Variants in WIPI2 observed in about 807,000 individuals in gnomAD.
The protein encoded by WIPI2 is WD repeat domain, phosphoinositide interacting 2.
In WIPI2, 28 loss-of-function variants were observed where a neutral mutation model predicts 52.3. The observed-to-expected ratio is 0.54, with a 90% CI of 0.40 to 0.73. WIPI2 has a LOEUF of 0.73. Among genes scored for constraint, WIPI2 ranks in the 30% least tolerant of loss-of-function variants. The pLI is 0.00. For missense variants in WIPI2, 506 were observed against 602.9 expected, an observed-to-expected ratio of 0.84 and a Z score of 1.68; for synonymous variants, 268 against 245.0, an observed-to-expected ratio of 1.09 and a Z score of -0.88.
intron 2 of WIPI2, among the ~76,000 whole-genome samples, chr7:5,196,982 G>A (rs1284894628): frequency 4.0e-5 from 6 of 151,512 alleles, no homozygotes; most frequent in Non-Finnish European, 5.9e-5. Context: ...CGTGGTGGCA[G>A]GCACCTGTAA....
Position 5,221,951 on chromosome 7 carries a change from A to ATTT in WIPI2, c.670-639_670-637dup, listed in dbSNP as rs200325811. Among the ~76,000 whole-genome samples the ATTT allele has an allele frequency of 4.9e-3, 495 of 101,120 alleles. 9 individuals carry two copies. The highest frequency in any genetic ancestry group is 0.016 in the African/African-American group (423 of 25,870). The allele number at this position is 101,120 out of a possible 152,430, so 66.3% of individuals were successfully genotyped here. A position where few individuals can be genotyped will look rare whatever the true frequency, so the allele number is the denominator to read the frequency against. On this transcript the variant is annotated intron_variant, in intron 7 of 12. Coordinates refer to ENST00000288828, the MANE Select transcript of WIPI2 (RefSeq NM_015610.4). ...GTACCACACACAAATCCAGGCTTTT[A>ATTT]TTTTTTTTTTTTTTCCCCCCCCGAG...
chr7:5,218,822 G>C (rs1025791164), intron 7 of WIPI2: 1 of 152,054 alleles, frequency 6.6e-6, no homozygotes, highest in African/African-American at 2.4e-5. Flanking sequence ...TTTCTTGAAA[G>C]TTGCGTCTTC....
intron 3 of WIPI2, among the ~76,000 whole-genome samples, chr7:5,212,946 C>G (rs1203692720): frequency 6.6e-6 from 1 of 152,242 alleles, no homozygotes; most frequent in East Asian, 1.9e-4. Context: ...ATTATTTTTA[C>G]TGCAAATAAT....
chr7:5,226,217 T>G, intron 9 of WIPI2: 2 of 371,116 alleles, frequency 5.4e-6, no homozygotes, highest in South Asian at 6.7e-5. Context: ...AGATGGCCTC[T>G]CCTCAGGTTC....
intron 9 of WIPI2, chr7:5,226,213 C>A (rs967337265): frequency 1.7e-5 from 7 of 417,292 alleles, no homozygotes; most frequent in Non-Finnish European, 1.3e-5. Context: ...GTGAAGATGG[C>A]CTCTCCTCAG....
chr7:5,190,702 C>T, intron 1 of WIPI2: 1 of 414,724 alleles, frequency 2.4e-6, no homozygotes, highest in Non-Finnish European at 4.1e-6. Context: ...GAGCTGCGGT[C>T]CCGGAGCGGG....
In WIPI2 at chr7:5,220,391, C is replaced by T. The variant is rs184328665; in HGVS notation, c.670-2211C>T. On this transcript the variant is annotated intron_variant, in intron 7 of 12. Transcript: ENST00000288828. Reference sequence around the variant, plus strand: ...CTGAGTAGCTGAGATTACAAGCGCGCGCCACCACACCCAGCTAATTTTTGT... The same window carrying T: ...CTGAGTAGCTGAGATTACAAGCGCGTGCCACCACACCCAGCTAATTTTTGT... 9.9e-3 allele frequency among the ~76,000 whole-genome samples: 1,495 copies of T among 151,716 alleles called. 25 individuals are homozygous for T. The highest frequency in any genetic ancestry group is 0.034 in the African/African-American group (1,398 of 41,338).
chr7:5,214,199 G>C (rs1341535928), intron 3 of WIPI2: 1 of 1,163,454 alleles, frequency 8.6e-7, no homozygotes, highest in Non-Finnish European at 1.1e-6. Flanking sequence ...TTAATTAAGG[G>C]AGCCCCTAGA....
chr7:5,209,704 C>T (rs1007007022), intron 3 of WIPI2, among the ~76,000 whole-genome samples: 2 of 152,116 alleles, frequency 1.3e-5, no homozygotes, highest in African/African-American at 2.4e-5. Context: ...TTGGTGCTGT[C>T]GGTCTGGGGC....
chr7:5,217,067 C>T (rs372556786), intron 5 of WIPI2, 23 bp from the exon 6 acceptor site: 8 of 1,594,900 alleles, frequency 5.0e-6, no homozygotes, highest in South Asian at 3.3e-5. Context: ...GTTTGCATCT[C>T]GTCCTCCGTG....
At position 5,233,066 on chromosome 7, in the gene WIPI2, C is replaced by G. The variant is rs968942892; in HGVS notation, c.*2119C>G. On this transcript the variant is annotated 3_prime_UTR_variant, in exon 13 of 13. Transcript: ENST00000288828. The stretch of plus-strand genomic sequence containing the variant: ...TGGCCCTGGCAGGGCTGGCTAGGTG[C>G]GTTCCCTGCAGACCACGGGAAGCCC... The G allele has an allele frequency of 1.3e-5, 2 of 152,334 alleles. No individual in the cohort carries two copies. The highest frequency in any genetic ancestry group is 4.8e-5 in the African/African-American group (2 of 41,456). The allele number at this position is 152,334 out of a possible 1,614,324, so 9.4% of individuals were successfully genotyped here.
Position 5,231,893 on chromosome 7 carries a change from G to C in WIPI2, c.*946G>C, listed in dbSNP as rs1469420461. On this transcript the variant is annotated 3_prime_UTR_variant, in exon 13 of 13. Coordinates refer to ENST00000288828, the MANE Select transcript of WIPI2 (RefSeq NM_015610.4). ...CTACCTGTGTGAGAGGTCGTAGCGG[G>C]AGACAGCAACAGAGAGTAGGCGGCT... 1 of 287,680 alleles carries C rather than the reference G, an allele frequency of 3.5e-6. No homozygotes were observed. The highest frequency in any genetic ancestry group is 5.2e-5 in the Admixed American group (1 of 19,138). The allele number at this position is 287,680 out of a possible 1,614,324, so 17.8% of individuals were successfully genotyped here. A position where few individuals can be genotyped will look rare whatever the true frequency, so the allele number is the denominator to read the frequency against.
chr7:5,228,231 T>C lies in WIPI2; in HGVS notation c.1121+20T>C, dbSNP rs911964086. The stretch of plus-strand genomic sequence containing the variant: ...GCACCGGTGAGTCTGCTCCGGCCGC[T>C]TCACGGAGCTGCTCCGTGCTGGCGG... On this transcript the variant is annotated intron_variant, in intron 11 of 12. Coordinates refer to ENST00000288828, the MANE Select transcript of WIPI2 (RefSeq NM_015610.4). 6.2e-7 allele frequency: 1 copy of C among 1,600,914 alleles called. No individual in the cohort carries two copies. The highest frequency in any genetic ancestry group is 1.1e-5 in the South Asian group (1 of 89,924).
chr7:5,192,954 C>G (rs895246577), intron 1 of WIPI2, among the ~76,000 whole-genome samples, 164 bp from the exon 2 acceptor site: 1 of 151,986 alleles, frequency 6.6e-6, no homozygotes, highest in Non-Finnish European at 1.5e-5. Flanking sequence ...CTTTTAAATT[C>G]TTTTTGTATT....
intron 3 of WIPI2, chr7:5,214,149 A>C: frequency 1.5e-6 from 1 of 676,918 alleles, no homozygotes; most frequent in Non-Finnish European, 2.1e-6. Context: ...AGTCTATGGA[A>C]CCCAGGGGAA....
At chr7:5,214,469 C>G (rs1409293589) in intron 3 of WIPI2, 66 bp from the exon 4 acceptor site, 2 of 1,613,920 alleles carry the variant, frequency 1.2e-6, no homozygotes, top group East Asian at 4.5e-5. Context: ...TTTTTGAGCG[C>G]AGATTCTGCC....
chr7:5,216,729 G>A, intron 5 of WIPI2, 70 bp downstream of exon 5: 1 of 1,481,406 alleles, frequency 6.8e-7, no homozygotes, highest in African/African-American at 1.4e-5. Flanking sequence ...ATAGGTGAGA[G>A]AGATTTTTTC....
At chr7:5,216,916 C>G in intron 5 of WIPI2, 174 bp from the exon 6 acceptor site, 2 of 734,268 alleles carry the variant, frequency 2.7e-6, no homozygotes, top group Non-Finnish European at 4.4e-6. Flanking sequence ...ATACTGGTAT[C>G]ACCTAAGGTG....
At chr7:5,214,055 A>G in intron 3 of WIPI2, 1 of 229,674 alleles carries the variant, frequency 4.4e-6, no homozygotes, top group East Asian at 1.2e-4. Context: ...TCTTTTTAAT[A>G]AATATGTGTC....
Sources: allele counts gnomAD v4.1 joint callset (sites outside exome capture counted in the v4.1 genomes callset), GRCh38; gene constraint gnomAD v4.1.1; transcripts MANE v1.5; gene names NCBI Gene and HGNC (gene_info 2026-07-23, HGNC 2026-07-21).